Variants in PHF3 observed in about 807,000 individuals in gnomAD.
PHF3 encodes PHD finger protein 3.
A neutral mutation model predicts 178.4 loss-of-function variants in PHF3; 41 were observed. The ratio of observed to expected loss-of-function variants is 0.23; its 90% CI spans 0.18 to 0.30. The LOEUF (loss-of-function observed/expected upper bound fraction) is 0.30, where lower values mean the gene tolerates loss of function less well. Among genes scored for constraint, PHF3 ranks in the 10% least tolerant of loss-of-function variants. The probability of loss-of-function intolerance (pLI) is 1.00; values close to 1 mark genes in which losing one functional copy is unlikely to be tolerated. For missense variants in PHF3, 2,346 were observed against 2,398.1 expected, an observed-to-expected ratio of 0.98 and a Z score of 0.45; for synonymous variants, 842 against 800.5, an observed-to-expected ratio of 1.05 and a Z score of -0.88.
intron 14 of PHF3, among the ~76,000 whole-genome samples, 175 bp from the exon 15 acceptor site, chr6:63,710,987 ATCTTT>A (rs963946339): frequency 1.2e-4 from 19 of 152,290 alleles, no homozygotes; most frequent in African/African-American, 3.8e-4. Flanking sequence ...ATCAGTAAAG[ATCTTT>A]TCTTAAGAGT....
At chr6:63,673,761 T>C (rs1447347246) in intron 2 of PHF3, among the ~76,000 whole-genome samples, 1 of 152,204 alleles carries the variant, frequency 6.6e-6, no homozygotes, top group African/African-American at 2.4e-5. Context: ...ACTGAAAGTC[T>C]AACCTACCAG....
intron 12 of PHF3, 109 bp downstream of exon 12, chr6:63,706,333 A>C (rs1464258193): frequency 1.3e-6 from 1 of 763,406 alleles, no homozygotes; most frequent in African/African-American, 1.8e-5. Context: ...CTCTCATTTG[A>C]GAAAATAACT....
At position 63,720,532 on chromosome 6, in the gene PHF3, A is replaced by G. The variant is rs1477265688; in HGVS notation, c.*6824A>G. 1 of 1,230,680 alleles carries G rather than the reference A, an allele frequency of 8.1e-7. No individual in the cohort carries two copies. Among genetic ancestry groups the G allele is most frequent in the Non-Finnish European group, 1.1e-6 (1 of 907,764 alleles). 76.2% of individuals were successfully genotyped at this position (1,230,680 alleles called of 1,614,324 possible). The stretch of plus-strand genomic sequence containing the variant: ...GTTGATTCCCCGTAAGCAATGTATC[A>G]AAGAAATAACTATCAAAATAACTGC... On this transcript the variant is annotated 3_prime_UTR_variant, in exon 16 of 16. Coordinates refer to ENST00000262043, the MANE Select transcript of PHF3 (RefSeq NM_001370348.2).
chr6:63,651,704 C>T lies in PHF3; in HGVS notation c.244+4909C>T, dbSNP rs1270092435. Among the ~76,000 whole-genome samples the T allele has an allele frequency of 3.9e-5, 6 of 152,150 alleles. No individual in the cohort carries two copies. The South Asian group carries it at 8.3e-4, about 21-fold the overall frequency. On this transcript the variant is annotated intron_variant, in intron 2 of 15. Transcript: ENST00000262043. The stretch of plus-strand genomic sequence containing the variant: ...CCATTAACAAACTTTTGGCTATTCC[C>T]CCTGCTCCTTCCCCTTCCCCAACTC...
intron 2 of PHF3, among the ~76,000 whole-genome samples, chr6:63,647,442 T>A (rs563624249): frequency 1.7e-4 from 26 of 152,362 alleles, no homozygotes; most frequent in Non-Finnish European, 3.7e-4. Context: ...TTTTGAAGAC[T>A]CAGTATGAAA....
chr6:63,646,744 T>C lies in PHF3; in HGVS notation c.193T>C (p.Leu65=). ...AGGATCTGCAAGTAACCAGTTCTGT[T>C]TGCCTGTTTTGGATAGCAATGATCC... is the stretch of plus-strand genomic sequence containing the variant. The part of the protein sequence containing the change: ...MLGSASNQFC[L]PVLDSNDPNF... Residue 65 remains leucine (L), a synonymous_variant, in exon 2 of 16, where the codon TTG becomes CTG. Transcript: ENST00000262043. 1 of 1,609,186 alleles carries C rather than the reference T, an allele frequency of 6.2e-7. No individual in the cohort carries two copies. The highest frequency in any genetic ancestry group is 8.5e-7 in the Non-Finnish European group (1 of 1,177,886).
intron 2 of PHF3, among the ~76,000 whole-genome samples, chr6:63,652,610 A>G (rs915148114): frequency 2.6e-5 from 4 of 152,148 alleles, no homozygotes; most frequent in South Asian, 2.1e-4. Context: ...ATTTTTGCAC[A>G]GACCAATGTC....
Position 63,684,453 on chromosome 6 carries a change from G to A in PHF3, c.731G>A (p.Gly244Glu). 6.2e-7 allele frequency: 1 copy of A among 1,613,892 alleles called. No individual in the cohort carries two copies. Among genetic ancestry groups the A allele is most frequent in the East Asian group, 2.2e-5 (1 of 44,874 alleles). Residue 244 changes from glycine to glutamate, a missense_variant, in exon 4 of 16, where the codon GGA becomes GAA. By Grantham distance (98) the Gly-to-Glu change is moderately conservative (BLOSUM62 -2). This residue lies in a region of PHF3 where 843 missense variants were observed against 795.2 expected (regional missense o/e 1.06). Transcript: ENST00000262043. Reference protein sequence around the residue: ...LDSKHKCNNPGEIDVPSHELN... With the variant: ...LDSKHKCNNPEEIDVPSHELN... Reference sequence around the variant, plus strand: ...TCTAAGCATAAGTGTAATAATCCGGGAGAAATAGATGTGCCATCTCATGAA... The same window carrying A: ...TCTAAGCATAAGTGTAATAATCCGGAAGAAATAGATGTGCCATCTCATGAA...
chr6:63,646,502 T>C (rs1764790197), intron 1 of PHF3, 25 bp from the exon 2 acceptor site: 2 of 1,502,420 alleles, frequency 1.3e-6, no homozygotes, highest in Non-Finnish European at 1.8e-6. Flanking sequence ...TTATTTCTTA[T>C]GGTATTTTTT....
intron 2 of PHF3, among the ~76,000 whole-genome samples, chr6:63,670,431 G>A (rs1765865539): frequency 6.6e-6 from 1 of 152,038 alleles, no homozygotes; most frequent in South Asian, 2.1e-4. Context: ...ACCGTGCCTG[G>A]CTAATTTTTT....
chr6:63,687,819 C>CTA (rs1408415059), intron 4 of PHF3, among the ~76,000 whole-genome samples: 3 of 152,074 alleles, frequency 2.0e-5, no homozygotes, highest in African/African-American at 7.2e-5. Context: ...CCTTTTGGAT[C>CTA]TACTGTATAG....
chr6:63,707,459 T>C (rs1424830398), intron 13 of PHF3, among the ~76,000 whole-genome samples: 1 of 152,216 alleles, frequency 6.6e-6, no homozygotes, highest in South Asian at 2.1e-4. Context: ...GTGGTATTTA[T>C]GGAAAATAAG....
In PHF3 at chr6:63,720,868, G is replaced by A. The variant is rs1186701579; in HGVS notation, c.*7160G>A. 1.9e-6 allele frequency: 3 copies of A among 1,550,910 alleles called. No individual in the cohort carries two copies. Among genetic ancestry groups the A allele is most frequent in the Non-Finnish European group, 2.6e-6 (3 of 1,146,538 alleles). ...CTGTTATTTATGTAGGCCTTGATAA[G>A]AGTCTGATTTTGAATTACAACTACA... On this transcript the variant is annotated 3_prime_UTR_variant, in exon 16 of 16. Coordinates refer to ENST00000262043, the MANE Select transcript of PHF3 (RefSeq NM_001370348.2).
At chr6:63,653,282 T>C (rs1334890823) in intron 2 of PHF3, among the ~76,000 whole-genome samples, 1 of 151,766 alleles carries the variant, frequency 6.6e-6, no homozygotes, top group Non-Finnish European at 1.5e-5. Flanking sequence ...CTGCTTTTGG[T>C]AGGTAATGTG....
intron 11 of PHF3, 32 bp downstream of exon 11, chr6:63,703,703 C>A: frequency 6.3e-7 from 1 of 1,578,054 alleles, no homozygotes; most frequent in Non-Finnish European, 8.6e-7. Context: ...TAAAATTTTG[C>A]ATTCATTATG....
chr6:63,671,856 C>T (rs922148334), intron 2 of PHF3, among the ~76,000 whole-genome samples: 5 of 152,174 alleles, frequency 3.3e-5, no homozygotes, highest in Non-Finnish European at 7.4e-5. Flanking sequence ...AGGTGATTCT[C>T]CTGCCTCAGC....
intron 1 of PHF3, among the ~76,000 whole-genome samples, chr6:63,640,771 G>A (rs187754321): frequency 1.0e-3 from 155 of 152,130 alleles, no homozygotes; most frequent in African/African-American, 3.5e-3. Flanking sequence ...ATAATATAAG[G>A]TTGTTTTGAG....
intron 4 of PHF3, among the ~76,000 whole-genome samples, chr6:63,687,226 C>A (rs1766752481): frequency 6.6e-6 from 1 of 152,154 alleles, no homozygotes; most frequent in Non-Finnish European, 1.5e-5. Flanking sequence ...GAGTTCGAGA[C>A]CAGCCTGGCC....
rs1279706950 is a variant in PHF3, at chr6:63,719,011, T to C, written c.*5303T>C. 6.6e-6 allele frequency among the ~76,000 whole-genome samples: 1 copy of C among 152,008 alleles called. No individual in the cohort carries two copies. The highest frequency in any genetic ancestry group is 1.5e-5 in the Non-Finnish European group (1 of 67,938). ...TTCAGCAAAATTTGATGGAGTTGTT[T>C]TAAGTGGTTTCCGTTAAAAAAACAA... On this transcript the variant is annotated 3_prime_UTR_variant, in exon 16 of 16. Transcript: ENST00000262043.
Sources: allele counts gnomAD v4.1 joint callset (sites outside exome capture counted in the v4.1 genomes callset), GRCh38; gene constraint gnomAD v4.1.1; regional missense constraint gnomAD v4.1.1; transcripts MANE v1.5; gene names NCBI Gene and HGNC (gene_info 2026-07-23, HGNC 2026-07-21).